CERS1: variants seen among roughly 807,000 people sequenced by gnomAD.
The protein encoded by CERS1 is ceramide synthase 1.
In CERS1, 16 loss-of-function variants were observed where a neutral mutation model predicts 35.7. That is an observed-to-expected ratio of 0.45 (90% CI 0.30 to 0.68). The LOEUF (loss-of-function observed/expected upper bound fraction) is 0.68. CERS1 is among the 30% of genes least tolerant of loss of function. The pLI is 0.08. For synonymous variants in CERS1, 243 were observed against 201.6 expected (o/e 1.21, Z -1.74); for missense variants, 454 against 453.9 (o/e 1.00, Z 0.00).
intron 6 of CERS1, among the ~76,000 whole-genome samples, chr19:18,872,334 T>C (rs1240182267): frequency 6.6e-6 from 1 of 152,202 alleles, no homozygotes; most frequent in African/African-American, 2.4e-5. Context: ...AGCTTTTCTC[T>C]GTTATCTTTT....
intron 2 of CERS1, 132 bp downstream of exon 2, chr19:18,893,284 A>G: frequency 1.0e-6 from 1 of 979,556 alleles, no homozygotes; most frequent in Non-Finnish European, 1.5e-6. Context: ...GCGTGCTCAT[A>G]GCTCCCCTTG....
At chr19:18,879,626 C>A (rs1256060677) in intron 4 of CERS1, among the ~76,000 whole-genome samples, 2 of 148,634 alleles carry the variant, frequency 1.3e-5, no homozygotes, top group African/African-American at 2.5e-5. Flanking sequence ...TCACCCACCT[C>A]GCCAAGGCCC....
At chr19:18,885,099 C>A (rs2056317631) in intron 2 of CERS1, among the ~76,000 whole-genome samples, 1 of 152,168 alleles carries the variant, frequency 6.6e-6, no homozygotes, top group Non-Finnish European at 1.5e-5. Flanking sequence ...CTTTCTTCTG[C>A]CCCAACATAC....
intron 2 of CERS1, among the ~76,000 whole-genome samples, chr19:18,890,003 G>T (rs931268395): frequency 7.9e-5 from 12 of 152,164 alleles, no homozygotes; most frequent in Non-Finnish European, 1.6e-4. Context: ...TCAGGCTCCA[G>T]CTCCTGCTGT....
chr19:18,877,213 C>A (rs147964829), intron 6 of CERS1, among the ~76,000 whole-genome samples: 1 of 152,216 alleles, frequency 6.6e-6, no homozygotes, highest in African/African-American at 2.4e-5. Flanking sequence ...AGAGGACATG[C>A]CAGCTCTTAC....
intron 6 of CERS1, among the ~76,000 whole-genome samples, chr19:18,876,150 A>C (rs1308438679): frequency 6.7e-6 from 1 of 150,000 alleles, no homozygotes; most frequent in Admixed American, 6.6e-5. Context: ...ATGCCTGGAT[A>C]ATTTTTCGTA....
chr19:18,868,905 G>T lies in CERS1; in HGVS notation c.*1080C>A, dbSNP rs1173969061. On this transcript the variant is annotated 3_prime_UTR_variant, in exon 8 of 8. Transcript: ENST00000623882. ...ACCTCGCGGAAGCTCACGTACAGCC[G>T]CCGCGCGCGACAAGCGCCCCCGGGG... The T allele has an allele frequency of 7.2e-7, 1 of 1,386,094 alleles. No individual in the cohort carries two copies. Among genetic ancestry groups the T allele is most frequent in the East Asian group, 3.9e-5 (1 of 25,824 alleles). 85.9% of individuals were successfully genotyped at this position (1,386,094 alleles called of 1,614,324 possible).
In CERS1 at chr19:18,870,327, CAG is replaced by C. The variant is rs1568291798; in HGVS notation, c.*248_*249del. 6 of 1,544,516 alleles carry C rather than the reference CAG, an allele frequency of 3.9e-6. No individual in the cohort carries two copies. The highest frequency in any genetic ancestry group is 2.3e-4 in the Middle Eastern group (1 of 4,360). On this transcript the variant is annotated 3_prime_UTR_variant, in exon 7 of 8. Transcript: ENST00000623882. The surrounding 1 kb of genome is among the most constrained non-coding windows in gnomAD (Gnocchi z 5.1). ...TGGCATCTTCCTCCCAGGCGATGAC[CAG>C]AGAGTGCGCAGGGTCCGCGGCGGCC...
intron 3 of CERS1, 49 bp downstream of exon 3, chr19:18,884,038 C>T: frequency 1.3e-6 from 2 of 1,577,964 alleles, no homozygotes; most frequent in Non-Finnish European, 1.7e-6. Context: ...AGCCTCCGCA[C>T]TCTGTGTGGG....
chr19:18,872,714 C>A (rs1225074834), intron 6 of CERS1, among the ~76,000 whole-genome samples: 1 of 62,776 alleles, frequency 1.6e-5, no homozygotes, highest in Non-Finnish European at 3.5e-5. Context: ...TGCGGTTTTA[C>A]CATGTTGGCC....
chr19:18,883,162 T>C (rs1405478902), intron 3 of CERS1: 7 of 152,196 alleles, frequency 4.6e-5, no homozygotes, highest in African/African-American at 1.7e-4. Context: ...AAGGGCCACC[T>C]CTTTGTTGCT....
intron 3 of CERS1, 45 bp from the exon 4 acceptor site, chr19:18,880,480 G>C: frequency 6.6e-7 from 1 of 1,522,060 alleles, no homozygotes; most frequent in Non-Finnish European, 8.9e-7. Context: ...TCACATTGGG[G>C]GACCTCCACT....
intron 4 of CERS1, 136 bp downstream of exon 4, chr19:18,880,138 G>A: frequency 1.2e-6 from 1 of 805,124 alleles, no homozygotes; most frequent in Non-Finnish European, 1.8e-6. Context: ...CAAATCATGA[G>A]GCCCCTCCCC....
rs1485381353 is a variant in CERS1 at position 18,870,490 on chromosome 19, G to GA, written c.*86_*87insT. 11 of 569,036 alleles carry GA rather than the reference G, an allele frequency of 1.9e-5. No individual in the cohort carries two copies. The highest frequency in any genetic ancestry group is 1.8e-4 in the Admixed American group (5 of 28,518). The allele number at this position is 569,036 out of a possible 1,614,324, so 35.2% of individuals were successfully genotyped here. A position where few individuals can be genotyped will look rare whatever the true frequency, so the allele number is the denominator to read the frequency against. On this transcript the variant is annotated 3_prime_UTR_variant, in exon 7 of 8. Transcript: ENST00000623882. This position sits in a 1 kb window ranked among gnomAD's most constrained non-coding sequence, Gnocchi z 5.1. ...GCGGCGGCCCTAGAGGAGCAGAGTTGGAGGGGGTGGAGGGGCGGCCAAGGA... is the reference window on the plus strand; with the variant it reads ...GCGGCGGCCCTAGAGGAGCAGAGTTGAGAGGGGGTGGAGGGGCGGCCAAGGA...
At position 18,868,766 on chromosome 19, in the gene CERS1, TGGTTGAGCGCCGGCGGCCCCCC is replaced by T; in HGVS notation, c.*1197_*1218del. ...GTGCATGAGCGCGCGCAGCACAGCG[TGGTTGAGCGCCGGCGGCCCCCC>T]GGACCCCGACAGCGCGACGGGCAGC... is the stretch of plus-strand genomic sequence containing the variant. On this transcript the variant is annotated 3_prime_UTR_variant, in exon 8 of 8. Coordinates refer to ENST00000623882, the MANE Select transcript of CERS1 (RefSeq NM_021267.5). The T allele has an allele frequency of 6.7e-7, 1 of 1,487,604 alleles. No homozygotes were observed. The highest frequency in any genetic ancestry group is 9.0e-7 in the Non-Finnish European group (1 of 1,112,660). 92.2% of individuals were successfully genotyped at this position (1,487,604 alleles called of 1,614,324 possible). A position where few individuals can be genotyped will look rare whatever the true frequency, so the allele number is the denominator to read the frequency against.
Position 18,868,669 on chromosome 19 carries a change from GAA to G in CERS1, c.*1314_*1315del. On this transcript the variant is annotated 3_prime_UTR_variant, in exon 8 of 8. Coordinates refer to ENST00000623882, the MANE Select transcript of CERS1 (RefSeq NM_021267.5). ...GCACCACGTTGTCGCTGTTGTCAAA[GAA>G]GAGCACGGAGATGGGCGACAGGCGC... The G allele has an allele frequency of 6.4e-7, 1 of 1,573,630 alleles. No individual in the cohort carries two copies. Among genetic ancestry groups the G allele is most frequent in the Non-Finnish European group, 8.6e-7 (1 of 1,159,424 alleles).
rs2055933509 is a variant in CERS1, at chr19:18,869,885, AC to A, written c.*594+97del. ...AGTAGCCTGGACAGGGCGGGTGGGG[AC>A]CCTCGGAGCTGCTCGGGCATCCCCG... On this transcript the variant is annotated intron_variant, in intron 7 of 7. Transcript: ENST00000623882. 6.6e-6 allele frequency: 8 copies of A among 1,204,128 alleles called. No homozygotes were observed. In the South Asian group the frequency reaches 1.0e-4, roughly 16 times the overall value. 74.6% of individuals were successfully genotyped at this position (1,204,128 alleles called of 1,614,324 possible).
chr19:18,882,673 T>A (rs916064904), intron 3 of CERS1, among the ~76,000 whole-genome samples: 5 of 150,270 alleles, frequency 3.3e-5, no homozygotes, highest in Non-Finnish European at 4.4e-5. Flanking sequence ...GATAAAGTAA[T>A]TTTAAAAATG....
At chr19:18,888,435 T>C (rs1282750912) in intron 2 of CERS1, among the ~76,000 whole-genome samples, 5 of 147,760 alleles carry the variant, frequency 3.4e-5, no homozygotes, top group African/African-American at 1.3e-4. Flanking sequence ...GGAGAATCCC[T>C]TGAACCCAGG....
Sources: allele counts gnomAD v4.1 joint callset (sites outside exome capture counted in the v4.1 genomes callset), GRCh38; gene constraint gnomAD v4.1.1; non-coding constraint Gnocchi (gnomAD v3.1); transcripts MANE v1.5; gene names NCBI Gene and HGNC (gene_info 2026-07-23, HGNC 2026-07-21).